CADM2: variants seen among roughly 807,000 people sequenced by gnomAD.
The protein encoded by CADM2 is cell adhesion molecule 2.
CADM2 carries 12 observed loss-of-function variants against 49.8 expected under a neutral mutation model. The observed-to-expected ratio is 0.24, with a 90% CI of 0.15 to 0.39. The LOEUF (loss-of-function observed/expected upper bound fraction) is 0.39, where lower values mean the gene tolerates loss of function less well. Ranked by LOEUF, CADM2 falls within the 10% of genes least tolerant of loss-of-function variation. CADM2 has a pLI of 1.00. For missense variants in CADM2, 378 were observed against 492.3 expected, an observed-to-expected ratio of 0.77 and a Z score of 2.20; for synonymous variants, 214 against 175.4, an observed-to-expected ratio of 1.22 and a Z score of -1.74.
chr3:85,294,798 A>G (rs1412665950), intron 1 of CADM2, among the ~76,000 whole-genome samples: 2 of 152,200 alleles, frequency 1.3e-5, no homozygotes, highest in African/African-American at 4.8e-5. Flanking sequence ...TTCAAGTTGG[A>G]TTAAAGACTT....
intron 5 of CADM2, among the ~76,000 whole-genome samples, chr3:85,898,937 GTATA>G (rs1553704342): frequency 1.9e-4 from 9 of 46,680 alleles, no homozygotes; most frequent in African/African-American, 4.6e-4. Flanking sequence ...CATTTATTGT[GTATA>G]TATATATATA....
At chr3:85,019,816 G>A (rs920467014) in intron 1 of CADM2, among the ~76,000 whole-genome samples, 1 of 152,082 alleles carries the variant, frequency 6.6e-6, no homozygotes, top group Non-Finnish European at 1.5e-5. Flanking sequence ...GTGAAGCAGG[G>A]AAAATACTCC....
chr3:85,165,086 G>T (rs1353448950), intron 1 of CADM2, among the ~76,000 whole-genome samples: 1 of 151,574 alleles, frequency 6.6e-6, no homozygotes, highest in Non-Finnish European at 1.5e-5. Flanking sequence ...AGTATAATGG[G>T]ATTTTAAGTT....
intron 1 of CADM2, among the ~76,000 whole-genome samples, chr3:85,494,920 C>T (rs9844512): frequency 3.3e-5 from 5 of 151,930 alleles, no homozygotes; most frequent in Admixed American, 1.3e-4. Context: ...ATGAATGGGG[C>T]GAAAGAAAAC....
rs2044078049 is a variant in CADM2 at position 85,300,780 on chromosome 3, A to C, written c.61+341112A>C. On this transcript the variant is annotated intron_variant, in intron 1 of 9. Coordinates refer to ENST00000383699, the MANE Select transcript of CADM2 (RefSeq NM_001167675.2). Reference sequence around the variant, plus strand: ...ACACAGAATACATCTTAAAGGAGACAGGCTGCTGCCAGAAATGTCGGATTG... The same window carrying C: ...ACACAGAATACATCTTAAAGGAGACCGGCTGCTGCCAGAAATGTCGGATTG... Among the ~76,000 whole-genome samples, 9 of 152,132 alleles carry C rather than the reference A, an allele frequency of 5.9e-5. No individual in the cohort carries two copies. In the South Asian group the frequency reaches 1.9e-3, roughly 31 times the overall value.
At chr3:85,581,403 A>G (rs1364227411) in intron 1 of CADM2, among the ~76,000 whole-genome samples, 1 of 151,812 alleles carries the variant, frequency 6.6e-6, no homozygotes, top group Non-Finnish European at 1.5e-5. Flanking sequence ...AATTAGAAAA[A>G]ATTCTTCCTG....
rs148720543 is a variant in CADM2 at position 85,470,517 on chromosome 3, A to G, written c.62-256005A>G. Among the ~76,000 whole-genome samples the G allele has an allele frequency of 4.4e-3, 675 of 152,304 alleles. 5 individuals carry two copies. The highest frequency in any genetic ancestry group is 0.015 in the African/African-American group (609 of 41,556). ...TTAGGGAAGACTTTGTGAGAGTTCA[A>G]TAGTCTGAAATGAAAACTATATGAA... On this transcript the variant is annotated intron_variant, in intron 1 of 9. Transcript: ENST00000383699.
At chr3:85,732,163 A>G (rs2067962570) in intron 2 of CADM2, among the ~76,000 whole-genome samples, 1 of 151,068 alleles carries the variant, frequency 6.6e-6, no homozygotes, top group African/African-American at 2.4e-5. Flanking sequence ...TCAGAGGCTG[A>G]GGCAGGAGAA....
intron 1 of CADM2, among the ~76,000 whole-genome samples, chr3:85,595,478 C>T (rs151157920): frequency 4.6e-5 from 7 of 152,026 alleles, no homozygotes; most frequent in African/African-American, 1.2e-4. Context: ...TCATTTTGTA[C>T]GTGGTATTTG....
At chr3:85,768,432 C>T (rs920243964) in intron 2 of CADM2, among the ~76,000 whole-genome samples, 6 of 149,214 alleles carry the variant, frequency 4.0e-5, no homozygotes, top group South Asian at 2.1e-4. Context: ...GGCTACAGTG[C>T]GAGACTCCAT....
At chr3:85,133,947 G>C (rs1455386939) in intron 1 of CADM2, among the ~76,000 whole-genome samples, 2 of 152,232 alleles carry the variant, frequency 1.3e-5, no homozygotes, top group African/African-American at 4.8e-5. Flanking sequence ...CCGCACAGGA[G>C]CCCACGGAGG....
At chr3:86,002,576 C>T (rs1730319627) in intron 8 of CADM2, among the ~76,000 whole-genome samples, 1 of 152,150 alleles carries the variant, frequency 6.6e-6, no homozygotes, top group Non-Finnish European at 1.5e-5. Context: ...CAAGTCTGCA[C>T]ATCAGGCTTA....
At chr3:85,462,527 G>A (rs558671297) in intron 1 of CADM2, among the ~76,000 whole-genome samples, 2 of 152,098 alleles carry the variant, frequency 1.3e-5, no homozygotes, top group Non-Finnish European at 2.9e-5. Context: ...ATTGCATGCT[G>A]ACTTCAACAG....
At chr3:84,975,043 A>C (rs1357626069) in intron 1 of CADM2, among the ~76,000 whole-genome samples, 1 of 151,870 alleles carries the variant, frequency 6.6e-6, no homozygotes, top group African/African-American at 2.4e-5. Context: ...AAACAAAAGA[A>C]AAGAGAAAGC....
chr3:85,651,399 A>G (rs1199286804), intron 1 of CADM2, among the ~76,000 whole-genome samples: 1 of 152,182 alleles, frequency 6.6e-6, no homozygotes, highest in Non-Finnish European at 1.5e-5. Context: ...TCCAGCTCCT[A>G]AGGATTGTAT....
intron 3 of CADM2, among the ~76,000 whole-genome samples, chr3:85,826,492 A>C (rs1407471275): frequency 6.6e-6 from 1 of 152,026 alleles, no homozygotes; most frequent in Non-Finnish European, 1.5e-5. Flanking sequence ...TTTTATGGTT[A>C]GCATAGATGC....
chr3:85,081,725 A>G (rs2037171015), intron 1 of CADM2, among the ~76,000 whole-genome samples: 1 of 152,154 alleles, frequency 6.6e-6, no homozygotes, highest in African/African-American at 2.4e-5. Context: ...ACTCCAGGGC[A>G]TCGAGGAAGA....
At chr3:85,397,046 ACTC>A (rs1262757658) in intron 1 of CADM2, among the ~76,000 whole-genome samples, 1 of 152,030 alleles carries the variant, frequency 6.6e-6, no homozygotes, top group Non-Finnish European at 1.5e-5. Flanking sequence ...TATTTTAAAA[ACTC>A]CTACAACACA....
intron 2 of CADM2, among the ~76,000 whole-genome samples, chr3:85,751,311 C>T (rs556683536): frequency 5.3e-5 from 8 of 152,190 alleles, no homozygotes; most frequent in South Asian, 4.1e-4. Context: ...TTTTTCTCAA[C>T]GGCAAACAGT....
Sources: gnomAD v4.1 joint callset for allele counts (sites outside exome capture counted in the v4.1 genomes callset) on GRCh38, gnomAD v4.1.1 for gene constraint, MANE v1.5 for transcripts, NCBI Gene and HGNC (gene_info 2026-07-23, HGNC 2026-07-21) for gene names.